Variants in UNC80 observed in about 807,000 individuals in gnomAD.
The protein encoded by UNC80 is unc-80 subunit of NALCN channel complex.
UNC80 carries 164 observed loss-of-function variants against 384.6 expected under a neutral mutation model. The observed-to-expected ratio is 0.43, with a 90% confidence interval of 0.38 to 0.49. The LOEUF (loss-of-function observed/expected upper bound fraction) is 0.49. Ranked by LOEUF, UNC80 falls within the 20% of genes least tolerant of loss-of-function variation. The pLI, the probability that UNC80 is intolerant of heterozygous loss-of-function variation, is 0.00. For synonymous variants in UNC80, 1,486 were observed against 1,527.8 expected (o/e 0.97, Z 0.64); for missense variants, 3,330 against 4,143.0 (o/e 0.80, Z 5.39).
intron 22 of UNC80, among the ~76,000 whole-genome samples, chr2:209,852,531 C>T (rs756376951): frequency 6.6e-6 from 1 of 151,934 alleles, no homozygotes; most frequent in Non-Finnish European, 1.5e-5. Context: ...AAGAGATGAA[C>T]CCCAAATAAG....
chr2:209,814,400 C>T (rs6707679), intron 8 of UNC80, among the ~76,000 whole-genome samples: 5 of 152,066 alleles, frequency 3.3e-5, no homozygotes, highest in African/African-American at 1.2e-4. Context: ...CCCGCCACCA[C>T]ACCCGGCTAA....
chr2:209,811,714 C>T (rs564513852), intron 7 of UNC80, among the ~76,000 whole-genome samples: 16 of 152,128 alleles, frequency 1.1e-4, no homozygotes, highest in Non-Finnish European at 2.1e-4. Context: ...TTATTTCCTA[C>T]TTGTCAAAAT....
chr2:209,918,050 A>G, intron 32 of UNC80, 92 bp downstream of exon 32: 1 of 1,215,376 alleles, frequency 8.2e-7, no homozygotes, highest in Non-Finnish European at 1.1e-6. Context: ...GTATGTGGCC[A>G]AAGATATTCT....
chr2:209,789,110 G>T (rs943422288), intron 5 of UNC80, among the ~76,000 whole-genome samples: 5 of 152,108 alleles, frequency 3.3e-5, no homozygotes, highest in African/African-American at 1.2e-4. Context: ...ATACCATCTA[G>T]GTTTGTGTAA....
At chr2:209,892,756 A>G (rs1042493061) in intron 26 of UNC80, among the ~76,000 whole-genome samples, 2 of 152,354 alleles carry the variant, frequency 1.3e-5, no homozygotes, top group East Asian at 1.9e-4. Context: ...TGTTTCAAAC[A>G]TATTTCAGAT....
intron 28 of UNC80, among the ~76,000 whole-genome samples, chr2:209,904,129 A>T (rs994841250): frequency 1.3e-5 from 2 of 152,202 alleles, no homozygotes; most frequent in African/African-American, 4.8e-5. Context: ...TGTAATTTTA[A>T]TGGGAGAATT....
rs187177158 is a variant in UNC80, at chr2:209,776,098, C to T, written c.298+53C>T. 48 of 1,608,826 alleles carry T rather than the reference C, an allele frequency of 3.0e-5. No individual in the cohort carries two copies. The Admixed American group carries it at 6.4e-4, about 21-fold the overall frequency. ...GCATGTGATTGCCCTTTGTGTTCAA[C>T]ACTCATCATAATAACCTGTACTGAG... On this transcript the variant is annotated intron_variant, in intron 3 of 64. Coordinates refer to ENST00000673920, the MANE Select transcript of UNC80 (RefSeq NM_001371986.1).
chr2:209,786,289 G>T, intron 5 of UNC80, 100 bp downstream of exon 5: 1 of 1,409,944 alleles, frequency 7.1e-7, no homozygotes, highest in East Asian at 2.5e-5. Context: ...TCAAAAAGAA[G>T]CAAATATCTA....
intron 28 of UNC80, 102 bp downstream of exon 28, chr2:209,896,515 T>C: frequency 1.0e-6 from 1 of 965,274 alleles, no homozygotes. Context: ...ATCAATCCGA[T>C]CTAGCCTCCA....
chr2:209,843,368 A>T (rs533711582), intron 21 of UNC80, among the ~76,000 whole-genome samples: 1 of 152,116 alleles, frequency 6.6e-6, no homozygotes, highest in Non-Finnish European at 1.5e-5. Flanking sequence ...TTTTTTTCAC[A>T]TGGATGAATA....
chr2:209,804,318 C>A (rs2078747880), intron 7 of UNC80, among the ~76,000 whole-genome samples: 1 of 152,160 alleles, frequency 6.6e-6, no homozygotes, highest in Non-Finnish European at 1.5e-5. Context: ...GATTAAAACT[C>A]AGTGCTATTC....
intron 62 of UNC80, among the ~76,000 whole-genome samples, chr2:209,992,625 T>C (rs746468649): frequency 3.9e-5 from 6 of 152,222 alleles, no homozygotes; most frequent in Non-Finnish European, 7.3e-5. Flanking sequence ...GATTATGTGG[T>C]AAAGTAAGTG....
chr2:209,786,277 AGTC>A, intron 5 of UNC80, 88 bp downstream of exon 5: 1 of 1,470,744 alleles, frequency 6.8e-7, no homozygotes, highest in Admixed American at 2.2e-5. Flanking sequence ...GCCCCTAAGA[AGTC>A]AAAAAGAAGC....
At chr2:209,907,015 A>G (rs2088303774) in intron 29 of UNC80, among the ~76,000 whole-genome samples, 1 of 152,158 alleles carries the variant, frequency 6.6e-6, no homozygotes, top group Admixed American at 6.5e-5. Context: ...CAACCCAAAC[A>G]TTCTTTAAGA....
chr2:209,988,440 A>T (rs754180742), intron 61 of UNC80, among the ~76,000 whole-genome samples: 12 of 152,148 alleles, frequency 7.9e-5, no homozygotes, highest in Non-Finnish European at 1.3e-4. Flanking sequence ...GAGCGATATG[A>T]ATTTTTATTG....
intron 54 of UNC80, among the ~76,000 whole-genome samples, chr2:209,971,996 T>A (rs1390636772): frequency 6.6e-6 from 1 of 152,240 alleles, no homozygotes; most frequent in Non-Finnish European, 1.5e-5. Context: ...TACTATCTTT[T>A]TAGGTGTATA....
rs1406754765 is a variant in UNC80 at position 209,772,005 on chromosome 2, A to AGGCGGC, written c.-58_-53dup. The AGGCGGC allele has an allele frequency of 4.4e-6, 5 of 1,149,282 alleles. No individual in the cohort carries two copies. The highest frequency in any genetic ancestry group is 2.7e-5 in the East Asian group (1 of 37,626). 71.2% of individuals were successfully genotyped at this position (1,149,282 alleles called of 1,614,324 possible). A position where few individuals can be genotyped will look rare whatever the true frequency, so the allele number is the denominator to read the frequency against. On this transcript the variant is annotated 5_prime_UTR_variant, in exon 1 of 65. Coordinates refer to ENST00000673920, the MANE Select transcript of UNC80 (RefSeq NM_001371986.1). ...GATGAGAGTTGGGAGCAGCGGGAGG[A>AGGCGGC]GGCGGCGGCGGCGGCTAGCGAGGAG...
chr2:209,889,136 C>T (rs572049344), intron 26 of UNC80, among the ~76,000 whole-genome samples: 79 of 152,214 alleles, frequency 5.2e-4, no homozygotes, highest in African/African-American at 1.8e-3. Flanking sequence ...AGATATTAAC[C>T]AGATATGAAG....
intron 7 of UNC80, among the ~76,000 whole-genome samples, chr2:209,800,488 AT>A (rs1172564988): frequency 4.9e-4 from 3 of 6,146 alleles, no homozygotes; most frequent in East Asian, 4.2e-3. Flanking sequence ...TTGTTTTGTT[AT>A]TTAAAAAAAA....
Sources: allele counts gnomAD v4.1 joint callset (sites outside exome capture counted in the v4.1 genomes callset), GRCh38; gene constraint gnomAD v4.1.1; transcripts MANE v1.5; gene names NCBI Gene and HGNC (gene_info 2026-07-23, HGNC 2026-07-21).